Variants in GHR observed in about 807,000 individuals in gnomAD.
GHR encodes growth hormone receptor.
In GHR, 35 loss-of-function variants were observed where a neutral mutation model predicts 67.1. The ratio of observed to expected loss-of-function variants is 0.52; its 90% CI spans 0.40 to 0.69. GHR has a LOEUF of 0.69. Among genes scored for constraint, GHR ranks in the 30% least tolerant of loss-of-function variants. GHR has a pLI of 0.00. For missense variants in GHR, 792 were observed against 764.6 expected, an observed-to-expected ratio of 1.04 and a Z score of -0.42; for synonymous variants, 272 against 269.1, an observed-to-expected ratio of 1.01 and a Z score of -0.10.
At chr5:42,717,396 ATAATT>A (rs1312128926) in intron 8 of GHR, among the ~76,000 whole-genome samples, 1 of 152,240 alleles carries the variant, frequency 6.6e-6, no homozygotes, top group Non-Finnish European at 1.5e-5. Context: ...TGACCAAAAA[ATAATT>A]TAAAGATTTG....
chr5:42,587,506 G>A lies in GHR; in HGVS notation c.70+21562G>A, dbSNP rs553803856. Reference sequence around the variant, plus strand: ...CCAGAGGGTCAGGGAAAGCCACCCCGAGGCTGGAAGCTATGAACTTATCGC... The same window carrying A: ...CCAGAGGGTCAGGGAAAGCCACCCCAAGGCTGGAAGCTATGAACTTATCGC... On this transcript the variant is annotated intron_variant, in intron 2 of 9. Coordinates refer to ENST00000230882, the MANE Select transcript of GHR (RefSeq NM_000163.5). Among the ~76,000 whole-genome samples the A allele has an allele frequency of 2.3e-3, 356 of 152,220 alleles. 1 individual carries two copies. Among genetic ancestry groups the A allele is most frequent in the African/African-American group, 8.2e-3 (339 of 41,538 alleles).
At chr5:42,681,871 G>C (rs1756897162) in intron 3 of GHR, among the ~76,000 whole-genome samples, 1 of 145,072 alleles carries the variant, frequency 6.9e-6, no homozygotes, top group Non-Finnish European at 1.5e-5. Flanking sequence ...GGGAGGCGGA[G>C]CTTGCAGTGA....
chr5:42,649,631 CAT>C (rs1754916556), intron 3 of GHR, among the ~76,000 whole-genome samples: 2 of 152,134 alleles, frequency 1.3e-5, no homozygotes, highest in Non-Finnish European at 2.9e-5. Context: ...TGGCAACAGA[CAT>C]ATGGAAAACT....
At chr5:42,706,091 C>T (rs1249521091) in intron 6 of GHR, among the ~76,000 whole-genome samples, 2 of 152,072 alleles carry the variant, frequency 1.3e-5, no homozygotes, top group African/African-American at 2.4e-5. Context: ...GCCTTTCTGA[C>T]TGCTGTGATG....
Position 42,600,427 on chromosome 5 carries a change from G to A in GHR, c.71-28611G>A, listed in dbSNP as rs1466836976. Among the ~76,000 whole-genome samples, 3 of 152,182 alleles carry A rather than the reference G, an allele frequency of 2.0e-5. 1 individual carries two copies. Among genetic ancestry groups the A allele is most frequent in the East Asian group, 3.8e-4 (2 of 5,196 alleles). ...TGCCCTTTTATATTTGTTTCCCATGGGACCAGGATGGCTAGGCCATTCTAC... is the reference window on the plus strand; with the variant it reads ...TGCCCTTTTATATTTGTTTCCCATGAGACCAGGATGGCTAGGCCATTCTAC... On this transcript the variant is annotated intron_variant, in intron 2 of 9. Coordinates refer to ENST00000230882, the MANE Select transcript of GHR (RefSeq NM_000163.5).
intron 3 of GHR, among the ~76,000 whole-genome samples, chr5:42,682,827 C>T (rs901563772): frequency 6.6e-6 from 1 of 152,178 alleles, no homozygotes; most frequent in Non-Finnish European, 1.5e-5. Flanking sequence ...ACCTCTCACA[C>T]TTTTTCCAAA....
At chr5:42,633,369 ATAT>A (rs953505554) in intron 3 of GHR, among the ~76,000 whole-genome samples, 35 of 152,342 alleles carry the variant, frequency 2.3e-4, no homozygotes, top group African/African-American at 7.9e-4. Context: ...GGATTCCAAA[ATAT>A]TATCATATTA....
chr5:42,491,294 A>G (rs1229391013), intron 1 of GHR, among the ~76,000 whole-genome samples: 2 of 152,204 alleles, frequency 1.3e-5, no homozygotes, highest in East Asian at 3.9e-4. Context: ...TTTTCTATTA[A>G]TATTCATTAA....
intron 3 of GHR, among the ~76,000 whole-genome samples, chr5:42,636,078 C>T (rs1187851841): frequency 1.3e-5 from 2 of 151,482 alleles, no homozygotes; most frequent in Admixed American, 6.6e-5. Flanking sequence ...GGCGTGGTGG[C>T]GGGCGCCTGT....
At chr5:42,582,628 A>G (rs1406388642) in intron 2 of GHR, among the ~76,000 whole-genome samples, 1 of 152,238 alleles carries the variant, frequency 6.6e-6, no homozygotes, top group Non-Finnish European at 1.5e-5. Flanking sequence ...AACAGGGCTG[A>G]GACATGCCTT....
intron 3 of GHR, among the ~76,000 whole-genome samples, chr5:42,649,673 C>T (rs745660303): frequency 1.3e-5 from 2 of 152,140 alleles, no homozygotes; most frequent in Non-Finnish European, 2.9e-5. Flanking sequence ...TTTCTTCCTA[C>T]TCTGGATAAG....
chr5:42,614,408 G>A (rs1466259794), intron 2 of GHR, among the ~76,000 whole-genome samples: 1 of 151,818 alleles, frequency 6.6e-6, no homozygotes, highest in African/African-American at 2.4e-5. Flanking sequence ...AGGCACACAT[G>A]AATCACCTGG....
intron 1 of GHR, among the ~76,000 whole-genome samples, chr5:42,535,863 G>A (rs773131663): frequency 6.6e-6 from 1 of 151,974 alleles, no homozygotes; most frequent in Non-Finnish European, 1.5e-5. Flanking sequence ...CCTTGTCAAG[G>A]TCTTTCAACT....
At position 42,441,514 on chromosome 5, in the gene GHR, G is replaced by GT. The variant is rs35357870; in HGVS notation, c.-12+17572dup. 3.3e-3 allele frequency among the ~76,000 whole-genome samples: 488 copies of GT among 146,834 alleles called. 4 individuals are homozygous for GT. Among genetic ancestry groups the GT allele is most frequent in the South Asian group, 5.6e-3 (26 of 4,628 alleles). On this transcript the variant is annotated intron_variant, in intron 1 of 9. Transcript: ENST00000230882. ...AGGAGGAAATGGAGTTAAAGGAGGAGTTTTTTTTTTTTTGAGACGGAGTCT... is the reference window on the plus strand; with the variant it reads ...AGGAGGAAATGGAGTTAAAGGAGGAGTTTTTTTTTTTTTTGAGACGGAGTCT...
chr5:42,509,727 C>CT lies in GHR; in HGVS notation c.-11-56121dup, dbSNP rs78991290. 5.0e-3 allele frequency among the ~76,000 whole-genome samples: 707 copies of CT among 140,908 alleles called. 3 individuals are homozygous for CT. The highest frequency in any genetic ancestry group is 0.012 in the African/African-American group (474 of 38,472). The allele number at this position is 140,908 out of a possible 152,430, so 92.4% of individuals were successfully genotyped here. ...GACTTAGGAAGTGCAGGCCTCAAAC[C>CT]TTTTTTTTTTTTTTTTACACGTCTA... is the stretch of plus-strand genomic sequence containing the variant. On this transcript the variant is annotated intron_variant, in intron 1 of 9. Coordinates refer to ENST00000230882, the MANE Select transcript of GHR (RefSeq NM_000163.5).
chr5:42,621,101 T>A (rs1753420715), intron 2 of GHR, among the ~76,000 whole-genome samples: 1 of 152,146 alleles, frequency 6.6e-6, no homozygotes, highest in Admixed American at 6.6e-5. Flanking sequence ...GATTATGGCC[T>A]GGTATTGACA....
chr5:42,578,057 G>A (rs1386879808), intron 2 of GHR, among the ~76,000 whole-genome samples: 2 of 152,054 alleles, frequency 1.3e-5, no homozygotes, highest in Admixed American at 6.6e-5. Flanking sequence ...CTCAACCTTG[G>A]CACTATTGAG....
At chr5:42,466,065 A>G in intron 1 of GHR, 1 of 388,314 alleles carries the variant, frequency 2.6e-6, no homozygotes, top group South Asian at 2.9e-5. Flanking sequence ...TCCTCTATCC[A>G]GGAAGGGGGC....
At chr5:42,469,656 C>T (rs553134087) in intron 1 of GHR, among the ~76,000 whole-genome samples, 40 of 152,272 alleles carry the variant, frequency 2.6e-4, no homozygotes, top group African/African-American at 9.4e-4. Flanking sequence ...CGGGGTAGTG[C>T]GAAGAGGAGA....
Sources: gnomAD v4.1 joint callset for allele counts (sites outside exome capture counted in the v4.1 genomes callset) on GRCh38, gnomAD v4.1.1 for gene constraint, MANE v1.5 for transcripts, NCBI Gene and HGNC (gene_info 2026-07-23, HGNC 2026-07-21) for gene names.